The following MPPED2 variants were observed in gnomAD, a reference collection of about 807,000 sequenced individuals.
MPPED2 encodes metallophosphoesterase domain containing 2.
MPPED2 carries 5 observed loss-of-function variants against 33.0 expected under a neutral mutation model. The observed-to-expected ratio is 0.15, with a 90% CI of 0.08 to 0.32. The LOEUF is 0.32. MPPED2 is among the 10% of genes least tolerant of loss of function. The pLI is 1.00. For synonymous variants in MPPED2, 136 were observed against 141.9 expected, an observed-to-expected ratio of 0.96 and a Z score of 0.29; for missense variants, 275 against 372.1, an observed-to-expected ratio of 0.74 and a Z score of 2.15.
chr11:30,508,452 A>C (rs781552529), intron 3 of MPPED2, among the ~76,000 whole-genome samples: 5 of 152,110 alleles, frequency 3.3e-5, no homozygotes, highest in Non-Finnish European at 7.4e-5. Context: ...TGCTTCTTTT[A>C]TGGGCTGAAT....
chr11:30,540,543 A>G (rs1440888904), intron 2 of MPPED2, among the ~76,000 whole-genome samples: 4 of 152,300 alleles, frequency 2.6e-5, no homozygotes, highest in East Asian at 3.9e-4. Flanking sequence ...ACTAGTAACT[A>G]ATAGTATTTT....
At chr11:30,451,829 G>T in intron 4 of MPPED2, 2 of 985,362 alleles carry the variant, frequency 2.0e-6, no homozygotes, top group Non-Finnish European at 2.4e-6. Context: ...TGACTGACAG[G>T]CTGCGGTGGG....
At position 30,495,340 on chromosome 11, in the gene MPPED2, A is replaced by G. The variant is rs917665883; in HGVS notation, c.492T>C (p.Asp164=). ...SLLTNSIYLQ[D]SEVTVKGFRI... ...TGAATCCCTTCACTGTTACCTCCGA[A>G]TCTTGTAAGTAAATACTGTTTGTCA... The change falls in exon 4 of 7, where the codon GAT becomes GAC. Residue 164 remains aspartate, a synonymous_variant. Transcript: ENST00000358117. The G allele has an allele frequency of 6.2e-6, 10 of 1,614,130 alleles. No homozygotes were observed. Among genetic ancestry groups the G allele is most frequent in the Non-Finnish European group, 8.5e-6 (10 of 1,180,002 alleles).
chr11:30,408,556 C>T (rs181089440), downstream of MPPED2, among the ~76,000 whole-genome samples: 344 of 152,212 alleles, frequency 2.3e-3, 3 homozygotes, highest in Non-Finnish European at 2.0e-3. Flanking sequence ...GTGATCCGCC[C>T]GCCTCAGCCT....
chr11:30,572,977 CA>C (rs1956771483), intron 2 of MPPED2, among the ~76,000 whole-genome samples: 1 of 152,142 alleles, frequency 6.6e-6, no homozygotes, highest in Non-Finnish European at 1.5e-5. Flanking sequence ...ACCTGAAATT[CA>C]GAGAGGCCCT....
At chr11:30,435,762 C>A (rs1949296102) in intron 4 of MPPED2, among the ~76,000 whole-genome samples, 1 of 152,160 alleles carries the variant, frequency 6.6e-6, no homozygotes, top group South Asian at 2.1e-4. Context: ...GTCAACTCTG[C>A]CCCCAAACCC....
At chr11:30,439,904 T>C (rs1225710390) in intron 4 of MPPED2, among the ~76,000 whole-genome samples, 2 of 152,244 alleles carry the variant, frequency 1.3e-5, no homozygotes, top group Non-Finnish European at 2.9e-5. Flanking sequence ...TTCTCTGGTA[T>C]AAATCTAGGT....
intron 4 of MPPED2, among the ~76,000 whole-genome samples, chr11:30,453,980 C>T (rs987258095): frequency 1.3e-5 from 2 of 152,256 alleles, no homozygotes; most frequent in South Asian, 2.1e-4. Flanking sequence ...TGGGGAGTGT[C>T]GTCTCTTTCC....
chr11:30,438,463 A>C (rs1949419336), intron 4 of MPPED2, among the ~76,000 whole-genome samples: 1 of 152,026 alleles, frequency 6.6e-6, no homozygotes, highest in African/African-American at 2.4e-5. Flanking sequence ...TTTTGGATGC[A>C]AAGTTGTCCA....
chr11:30,512,606 C>T (rs554903321), intron 3 of MPPED2, among the ~76,000 whole-genome samples: 1 of 152,164 alleles, frequency 6.6e-6, no homozygotes, highest in Non-Finnish European at 1.5e-5. Flanking sequence ...GCCCCAGAAC[C>T]GGGATTGTAC....
Position 30,533,475 on chromosome 11 carries a change from A to G in MPPED2, c.310+2519T>C, listed in dbSNP as rs1451894248. On this transcript the variant is annotated intron_variant, in intron 3 of 6. Transcript: ENST00000358117. Reference sequence around the variant, plus strand: ...TGCCCCACTGACAGTCGGATGCCCTATTATGGAAAAAGCCCTAAAACCCTA... The same window carrying G: ...TGCCCCACTGACAGTCGGATGCCCTGTTATGGAAAAAGCCCTAAAACCCTA... Among the ~76,000 whole-genome samples, 3 of 152,072 alleles carry G rather than the reference A, an allele frequency of 2.0e-5. No homozygotes were observed. In the South Asian group the frequency reaches 6.2e-4, roughly 32 times the overall value.
chr11:30,444,319 T>A (rs1175321930), intron 4 of MPPED2, among the ~76,000 whole-genome samples: 1 of 152,206 alleles, frequency 6.6e-6, no homozygotes, highest in Non-Finnish European at 1.5e-5. Flanking sequence ...TTGCTCCAAA[T>A]TGTTTTGCTT....
chr11:30,580,470 T>G lies in MPPED2; in HGVS notation c.-97A>C. 7 of 1,521,140 alleles carry G rather than the reference T, an allele frequency of 4.6e-6. No individual in the cohort carries two copies. The South Asian group carries it at 9.3e-5, about 20-fold the overall frequency. The allele number at this position is 1,521,140 out of a possible 1,614,324, so 94.2% of individuals were successfully genotyped here. On this transcript the variant is annotated 5_prime_UTR_variant, in exon 2 of 7. It removes the in-frame stop codon of an upstream open reading frame in the 5' UTR. Transcript: ENST00000358117. ...CAGCCAACCTCTGAATCCAAGGATC[T>G]ACTCATCAATACCGCTGTGCATTTC...
At chr11:30,570,882 C>T (rs1956658856) in intron 2 of MPPED2, among the ~76,000 whole-genome samples, 1 of 152,106 alleles carries the variant, frequency 6.6e-6, no homozygotes, top group Non-Finnish European at 1.5e-5. Context: ...CCAAAAAAGC[C>T]CACAGCAAGA....
chr11:30,409,195 C>A (rs1321101185), downstream of MPPED2, among the ~76,000 whole-genome samples: 1 of 152,176 alleles, frequency 6.6e-6, no homozygotes. Flanking sequence ...AAGCCAGAGG[C>A]CTGAGTCTCT....
At position 30,488,034 on chromosome 11, in the gene MPPED2, C is replaced by T. The variant is rs1221227223; in HGVS notation, c.536+7262G>A. ...TATCCTGGTTTAGTCTAGCAAACTC[C>T]GCAAAGGAAGCCTGGATTCTAGTCC... On this transcript the variant is annotated intron_variant, in intron 4 of 6. Coordinates refer to ENST00000358117, the MANE Select transcript of MPPED2 (RefSeq NM_001584.3). Among the ~76,000 whole-genome samples the T allele has an allele frequency of 3.3e-5, 5 of 152,116 alleles. No individual in the cohort carries two copies. The South Asian group carries it at 8.3e-4, about 25-fold the overall frequency.
intron 2 of MPPED2, among the ~76,000 whole-genome samples, chr11:30,570,342 C>T (rs1956636792): frequency 6.6e-6 from 1 of 152,004 alleles, no homozygotes. Flanking sequence ...AAGTCCCCAC[C>T]TCCTAATACC....
intron 4 of MPPED2, chr11:30,428,969 A>T (rs1456720641): frequency 6.6e-6 from 1 of 152,074 alleles, no homozygotes; most frequent in Admixed American, 6.6e-5. Context: ...TACTTTTCAG[A>T]TGTAGGATGT....
rs551377008 is a variant in MPPED2, at chr11:30,552,046, C to G, written c.129-15871G>C. ...GTTCCAAATACAGGTCTCTCATAAA[C>G]AGATAATAAAGCATCCTACACCCTA... is the stretch of plus-strand genomic sequence containing the variant. On this transcript the variant is annotated intron_variant, in intron 2 of 6. Coordinates refer to ENST00000358117, the MANE Select transcript of MPPED2 (RefSeq NM_001584.3). Among the ~76,000 whole-genome samples, 20 of 152,276 alleles carry G rather than the reference C, an allele frequency of 1.3e-4. No homozygotes were observed. The South Asian group carries it at 1.9e-3, about 14-fold the overall frequency.
Sources: gnomAD v4.1 joint callset for allele counts (sites outside exome capture counted in the v4.1 genomes callset) on GRCh38, gnomAD v4.1.1 for gene constraint, MANE v1.5 for transcripts, NCBI Gene and HGNC (gene_info 2026-07-23, HGNC 2026-07-21) for gene names.